Variants in CPQ observed in about 807,000 individuals in gnomAD.
The protein encoded by CPQ is carboxypeptidase Q.
CPQ carries 37 observed loss-of-function variants against 45.7 expected under a neutral mutation model. The observed-to-expected ratio is 0.81, with a 90% CI of 0.62 to 1.07. The LOEUF is 1.07. CPQ is among the 50% of genes least tolerant of loss of function. CPQ has a pLI of 0.00. For missense variants in CPQ, 537 were observed against 572.9 expected, an observed-to-expected ratio of 0.94 and a Z score of 0.64; for synonymous variants, 186 against 205.8, an observed-to-expected ratio of 0.90 and a Z score of 0.82.
At chr8:97,073,902 G>A (rs114156485) in intron 7 of CPQ, among the ~76,000 whole-genome samples, 160 of 152,286 alleles carry the variant, frequency 1.1e-3, no homozygotes, top group African/African-American at 3.7e-3. Flanking sequence ...AGCAGTGTAT[G>A]ACATCCTCAT....
chr8:96,785,108 G>A lies in CPQ; in HGVS notation c.211G>A (p.Val71Ile), dbSNP rs1450618111. The change falls in exon 2 of 8, where the codon GTT becomes ATT. Residue 71 changes from valine to isoleucine, a missense_variant. Val to Ile is a conservative substitution (Grantham distance 29). Transcript: ENST00000220763. ...NRSYERLALL[V>I]DTVGPRLSGS... ...ATCCTATGAGCGATTGGCACTTCTG[G>A]TTGATACTGTTGGACCCAGACTGAG... is the stretch of plus-strand genomic sequence containing the variant. 6.2e-7 allele frequency: 1 copy of A among 1,613,748 alleles called. No individual in the cohort carries two copies. The highest frequency in any genetic ancestry group is 8.5e-7 in the Non-Finnish European group (1 of 1,179,822).
chr8:97,049,760 G>T (rs1379460215), intron 6 of CPQ, among the ~76,000 whole-genome samples: 1 of 152,146 alleles, frequency 6.6e-6, no homozygotes, highest in African/African-American at 2.4e-5. Context: ...TTTGTTTTTA[G>T]AATCAATCCA....
chr8:96,650,197 A>G (rs1460461649), intron 1 of CPQ, among the ~76,000 whole-genome samples: 1 of 152,214 alleles, frequency 6.6e-6, no homozygotes, highest in Non-Finnish European at 1.5e-5. Context: ...CATTTTGCAG[A>G]GAAAGTGTTT....
At chr8:97,066,354 A>G in intron 7 of CPQ, 144 bp downstream of exon 7, 2 of 694,618 alleles carry the variant, frequency 2.9e-6, no homozygotes, top group Non-Finnish European at 4.7e-6. Context: ...TAATCTGATG[A>G]TTTCTAAAAC....
intron 1 of CPQ, among the ~76,000 whole-genome samples, chr8:96,716,102 C>T (rs1262428019): frequency 1.3e-5 from 2 of 152,076 alleles, no homozygotes; most frequent in African/African-American, 4.8e-5. Flanking sequence ...TTCTCATTAG[C>T]TAGGGTGATG....
rs115940929 is a variant in CPQ, at chr8:97,125,469, A to G, written c.1256-17551A>G. On this transcript the variant is annotated intron_variant, in intron 7 of 7. Transcript: ENST00000220763. ...ACCAATATCCTTCATAAATATAGAC[A>G]CAAAAATTCTTAACAAAATATAAGC... 3.8e-3 allele frequency among the ~76,000 whole-genome samples: 577 copies of G among 152,328 alleles called. 3 individuals are homozygous for G. Among genetic ancestry groups the G allele is most frequent in the African/African-American group, 0.013 (540 of 41,590 alleles).
intron 2 of CPQ, among the ~76,000 whole-genome samples, chr8:96,830,131 A>T (rs781709939): frequency 4.6e-5 from 7 of 152,164 alleles, no homozygotes; most frequent in Non-Finnish European, 8.8e-5. Flanking sequence ...ATGTGATAAG[A>T]GTAGAAAGCT....
chr8:96,896,593 C>T (rs953333721), intron 4 of CPQ, among the ~76,000 whole-genome samples: 1 of 152,104 alleles, frequency 6.6e-6, no homozygotes, highest in African/African-American at 2.4e-5. Flanking sequence ...ACTGATTGCT[C>T]ATCAGACAAC....
rs144571336 is a variant in CPQ, at chr8:96,789,639, A to G, written c.433+4309A>G. ...TTTGGCCAAGGCCAAATGCCTTGGA[A>G]GTTCCTTTTCTAATCACTTCTGAGA... On this transcript the variant is annotated intron_variant, in intron 2 of 7. Transcript: ENST00000220763. 6.7e-3 allele frequency among the ~76,000 whole-genome samples: 1,019 copies of G among 152,298 alleles called. 8 individuals are homozygous for G. Among genetic ancestry groups the G allele is most frequent in the Middle Eastern group, 0.017 (5 of 294 alleles).
intron 5 of CPQ, among the ~76,000 whole-genome samples, chr8:96,981,766 T>G (rs138557715): frequency 1.3e-5 from 2 of 152,368 alleles, no homozygotes; most frequent in African/African-American, 4.8e-5. Flanking sequence ...TTCATTTTTA[T>G]AATCTATAAA....
intron 4 of CPQ, among the ~76,000 whole-genome samples, chr8:96,922,787 GA>G (rs1216878342): frequency 6.6e-6 from 1 of 152,114 alleles, no homozygotes; most frequent in East Asian, 1.9e-4. Flanking sequence ...TTCCAATGCA[GA>G]AACTCCTCTC....
intron 1 of CPQ, among the ~76,000 whole-genome samples, chr8:96,697,390 A>G (rs956403281): frequency 5.3e-5 from 8 of 152,216 alleles, no homozygotes; most frequent in African/African-American, 1.4e-4. Context: ...TAAAAGCCAT[A>G]TATGACAGAT....
At chr8:96,891,380 G>T (rs1366820211) in intron 4 of CPQ, among the ~76,000 whole-genome samples, 1 of 152,168 alleles carries the variant, frequency 6.6e-6, no homozygotes, top group Non-Finnish European at 1.5e-5. Flanking sequence ...GCCATATCGA[G>T]GGCTCAGTGT....
At chr8:96,965,824 G>A in intron 4 of CPQ, 111 bp from the exon 5 acceptor site, 1 of 652,166 alleles carries the variant, frequency 1.5e-6, no homozygotes, top group Non-Finnish European at 2.5e-6. Flanking sequence ...CATAAAAATA[G>A]GAAAGAAAAT....
At chr8:97,084,211 A>G (rs1234852895) in intron 7 of CPQ, among the ~76,000 whole-genome samples, 1 of 152,174 alleles carries the variant, frequency 6.6e-6, no homozygotes, top group Non-Finnish European at 1.5e-5. Flanking sequence ...GGACAAACTG[A>G]TGAGAATATC....
chr8:96,957,238 G>A (rs1169290878), intron 4 of CPQ, among the ~76,000 whole-genome samples: 1 of 152,168 alleles, frequency 6.6e-6, no homozygotes, highest in Non-Finnish European at 1.5e-5. Context: ...GGACATGGCA[G>A]GCAGGAGCCA....
rs188578009 is a variant in CPQ at position 96,981,872 on chromosome 8, C to T, written c.961+15826C>T. Among the ~76,000 whole-genome samples the T allele has an allele frequency of 5.3e-5, 8 of 152,286 alleles. No individual in the cohort carries two copies. The East Asian group carries it at 1.4e-3, about 26-fold the overall frequency. On this transcript the variant is annotated intron_variant, in intron 5 of 7. Coordinates refer to ENST00000220763, the MANE Select transcript of CPQ (RefSeq NM_016134.4). ...TGATCTTTTTAAATCCTCAAAGCCG[C>T]CCTGTAAGGCATGTATTATTACCAC...
chr8:96,986,955 G>T (rs1254723484), intron 5 of CPQ, among the ~76,000 whole-genome samples: 2 of 152,092 alleles, frequency 1.3e-5, no homozygotes, highest in Admixed American at 1.3e-4. Context: ...ACCAAAATGG[G>T]GAGTGGTGTT....
chr8:96,909,351 A>T (rs1812624922), intron 4 of CPQ, among the ~76,000 whole-genome samples: 1 of 152,098 alleles, frequency 6.6e-6, no homozygotes, highest in African/African-American at 2.4e-5. Context: ...CAATTACATC[A>T]GTAACGGTGG....
Sources: allele counts gnomAD v4.1 joint callset (sites outside exome capture counted in the v4.1 genomes callset), GRCh38; gene constraint gnomAD v4.1.1; transcripts MANE v1.5; gene names NCBI Gene and HGNC (gene_info 2026-07-23, HGNC 2026-07-21).